Variants in SAMD4A observed in about 807,000 individuals in gnomAD.
SAMD4A encodes the protein protein Smaug homolog 1.
In SAMD4A, 33 loss-of-function variants were observed where a neutral mutation model predicts 81.3. That is an observed-to-expected ratio of 0.41 (90% CI 0.31 to 0.54). The LOEUF is 0.54. Ranked by LOEUF, SAMD4A falls within the 20% of genes least tolerant of loss-of-function variation. The probability of loss-of-function intolerance (pLI) is 0.37; values close to 1 mark genes in which losing one functional copy is unlikely to be tolerated. For missense variants in SAMD4A, 854 were observed against 951.1 expected (o/e 0.90, Z 1.34); for synonymous variants, 389 against 382.1 (o/e 1.02, Z -0.21).
intron 6 of SAMD4A, among the ~76,000 whole-genome samples, chr14:54,752,244 CTGGTAACA>C (rs2038123317): frequency 6.6e-6 from 1 of 152,228 alleles, no homozygotes; most frequent in South Asian, 2.1e-4. Flanking sequence ...GGATGCTGCC[CTGGTAACA>C]ATGTCATTTT....
rs528471733 is a variant in SAMD4A at position 54,663,489 on chromosome 14, C to T, written c.197-38573C>T. On this transcript the variant is annotated intron_variant, in intron 2 of 12. Coordinates refer to ENST00000554335, the MANE Select transcript of SAMD4A (RefSeq NM_015589.6). ...TTCGCACCACATGAAGCATGAGTTC[C>T]GTCAGGTAAGTATACATTCTTCCTT... Among the ~76,000 whole-genome samples the T allele has an allele frequency of 3.3e-5, 5 of 152,266 alleles. No individual in the cohort carries two copies. In the South Asian group the frequency reaches 8.3e-4, roughly 25 times the overall value.
At chr14:54,717,459 AAG>A (rs1350413705) in intron 3 of SAMD4A, among the ~76,000 whole-genome samples, 2 of 152,130 alleles carry the variant, frequency 1.3e-5, no homozygotes, top group East Asian at 1.9e-4. Flanking sequence ...AAAAAAAAGA[AAG>A]AAATTTTTTT....
At chr14:54,691,918 C>T (rs1458818403) in intron 2 of SAMD4A, among the ~76,000 whole-genome samples, 2 of 152,206 alleles carry the variant, frequency 1.3e-5, no homozygotes, top group African/African-American at 4.8e-5. Context: ...CATTCTGTCC[C>T]CCATTGGATG....
intron 3 of SAMD4A, among the ~76,000 whole-genome samples, chr14:54,725,869 TG>T (rs896347745): frequency 6.6e-6 from 1 of 152,238 alleles, no homozygotes; most frequent in Non-Finnish European, 1.5e-5. Flanking sequence ...AGTCCGTTTT[TG>T]TTTTGGTTGA....
intron 2 of SAMD4A, among the ~76,000 whole-genome samples, chr14:54,587,405 T>C (rs1010550475): frequency 5.3e-5 from 8 of 152,316 alleles, no homozygotes; most frequent in Admixed American, 2.6e-4. Context: ...TTTACTGATT[T>C]TGATGCCCTG....
At chr14:54,580,916 G>C (rs1292693216) in intron 2 of SAMD4A, among the ~76,000 whole-genome samples, 1 of 152,192 alleles carries the variant, frequency 6.6e-6, no homozygotes. Flanking sequence ...TTACCATCTA[G>C]GTTGTGAGAT....
chr14:54,702,253 T>A lies in SAMD4A; in HGVS notation c.388T>A (p.Leu130Met). The A allele has an allele frequency of 6.2e-7, 1 of 1,614,210 alleles. No homozygotes were observed. The highest frequency in any genetic ancestry group is 8.5e-7 in the Non-Finnish European group (1 of 1,180,040). ...EESRQLLSYA[L>M]IHPATSLEDR... ...GAGCAGGCAGCTGCTGTCCTATGCT[T>A]TGATACATCCAGCCACTTCGTTAGA... The change falls in exon 3 of 13, where the codon TTG (leucine) becomes ATG (methionine). Residue 130 changes from leucine to methionine, a missense_variant. This residue lies in a region of SAMD4A where 387 missense variants were observed against 405.8 expected (regional missense o/e 0.95). Coordinates refer to ENST00000554335, the MANE Select transcript of SAMD4A (RefSeq NM_015589.6).
intron 2 of SAMD4A, 129 bp downstream of exon 2, chr14:54,568,241 G>A (rs1012580213): frequency 3.7e-6 from 3 of 808,074 alleles, no homozygotes; most frequent in Non-Finnish European, 5.3e-6. Flanking sequence ...GCGTGGCCCC[G>A]AGGCCCTCGG....
intron 3 of SAMD4A, among the ~76,000 whole-genome samples, chr14:54,720,430 T>C (rs2037231455): frequency 6.6e-6 from 1 of 152,198 alleles, no homozygotes; most frequent in African/African-American, 2.4e-5. Context: ...TAGAACCTTA[T>C]GTGTGTAGAT....
intron 2 of SAMD4A, among the ~76,000 whole-genome samples, chr14:54,576,295 C>T (rs1035397960): frequency 3.3e-5 from 5 of 152,120 alleles, no homozygotes; most frequent in Admixed American, 1.3e-4. Context: ...GATTTAAACA[C>T]AGTTAAAATG....
rs370886722 is a variant in SAMD4A at position 54,760,508 on chromosome 14, C to A, written c.1510+14C>A. 3 of 1,383,314 alleles carry A rather than the reference C, an allele frequency of 2.2e-6. No individual in the cohort carries two copies. Among genetic ancestry groups the A allele is most frequent in the Non-Finnish European group, 2.8e-6 (3 of 1,076,906 alleles). The allele number at this position is 1,383,314 out of a possible 1,614,324, so 85.7% of individuals were successfully genotyped here. A position where few individuals can be genotyped will look rare whatever the true frequency, so the allele number is the denominator to read the frequency against. The stretch of plus-strand genomic sequence containing the variant: ...TCATGGGGAAAGGTAGAGCCTCATT[C>A]GCCCATTTCTTTTTTCTTCTGGATA... On this transcript the variant is annotated intron_variant, in intron 7 of 12. Transcript: ENST00000554335.
At chr14:54,699,231 T>A (rs1035502079) in intron 2 of SAMD4A, among the ~76,000 whole-genome samples, 1 of 152,238 alleles carries the variant, frequency 6.6e-6, no homozygotes, top group Non-Finnish European at 1.5e-5. Flanking sequence ...TGCCTGGTAT[T>A]TGCTGAAGAT....
At chr14:54,784,739 G>T (rs2039090683) in intron 12 of SAMD4A, 119 bp downstream of exon 12, 2 of 894,052 alleles carry the variant, frequency 2.2e-6, no homozygotes, top group African/African-American at 1.6e-5. Context: ...ACAAGGAGGG[G>T]TAGGCAGGGG....
At chr14:54,592,188 A>C (rs1015466030) in intron 2 of SAMD4A, among the ~76,000 whole-genome samples, 1 of 152,116 alleles carries the variant, frequency 6.6e-6, no homozygotes, top group Non-Finnish European at 1.5e-5. Context: ...TAGCAATTGT[A>C]AGAACTCCTT....
At chr14:54,720,170 G>A (rs2037224372) in intron 3 of SAMD4A, among the ~76,000 whole-genome samples, 3 of 151,950 alleles carry the variant, frequency 2.0e-5, no homozygotes. Context: ...TTCAAATTCC[G>A]AGAGTTCTTT....
At chr14:54,678,502 TGTGTGTGTGTGTGTAG>T (rs1249943564) in intron 2 of SAMD4A, among the ~76,000 whole-genome samples, 2 of 113,490 alleles carry the variant, frequency 1.8e-5, no homozygotes, top group African/African-American at 7.6e-5. Flanking sequence ...TGTGTGTGTG[TGTGTGTGTGTGTGTAG>T]GTCAGGTGGG....
chr14:54,710,234 A>AT (rs1188558954), intron 3 of SAMD4A, among the ~76,000 whole-genome samples: 1 of 152,066 alleles, frequency 6.6e-6, no homozygotes, highest in Non-Finnish European at 1.5e-5. Context: ...ATTAATCTTG[A>AT]TTTTTTTCTG....
chr14:54,589,287 A>G (rs1156293888), intron 2 of SAMD4A, among the ~76,000 whole-genome samples: 1 of 152,188 alleles, frequency 6.6e-6, no homozygotes, highest in Non-Finnish European at 1.5e-5. Context: ...AGTGACTGCC[A>G]TGGGTTATTC....
intron 2 of SAMD4A, among the ~76,000 whole-genome samples, chr14:54,641,644 C>T (rs951669843): frequency 6.6e-6 from 1 of 152,198 alleles, no homozygotes; most frequent in Non-Finnish European, 1.5e-5. Context: ...CTTAAGACAA[C>T]CCACCATTAA....
Sources: gnomAD v4.1 joint callset for allele counts (sites outside exome capture counted in the v4.1 genomes callset) on GRCh38, gnomAD v4.1.1 for gene constraint, gnomAD v4.1.1 regional missense constraint, MANE v1.5 for transcripts, NCBI Gene and HGNC (gene_info 2026-07-23, HGNC 2026-07-21) for gene names.